PSD3: variants seen among roughly 807,000 people sequenced by gnomAD.
The protein encoded by PSD3 is PH and SEC7 domain-containing protein 3.
Under a neutral mutation model 105.5 loss-of-function variants are expected in PSD3, and 49 were observed. The observed-to-expected ratio is 0.46, with a 90% confidence interval of 0.37 to 0.59. The LOEUF is 0.59. Among genes scored for constraint, PSD3 ranks in the 20% least tolerant of loss-of-function variants. The pLI is 0.00. For missense variants in PSD3, 1,561 were observed against 1,263.8 expected, an observed-to-expected ratio of 1.24 and a Z score of -3.57; for synonymous variants, 557 against 457.8, an observed-to-expected ratio of 1.22 and a Z score of -2.77.
intron 4 of PSD3, among the ~76,000 whole-genome samples, chr8:18,823,985 G>C (rs1297454063): frequency 6.6e-6 from 1 of 152,040 alleles, no homozygotes; most frequent in Non-Finnish European, 1.5e-5. Flanking sequence ...TTCGAGACCA[G>C]CCTGGACAAC....
At chr8:18,633,504 TGTA>T (rs1807044094) in intron 10 of PSD3, among the ~76,000 whole-genome samples, 1 of 152,100 alleles carries the variant, frequency 6.6e-6, no homozygotes, top group Non-Finnish European at 1.5e-5. Context: ...AGTGAAAATG[TGTA>T]GTATTTGGTT....
At chr8:18,542,835 G>A (rs1002329734) in intron 15 of PSD3, among the ~76,000 whole-genome samples, 5 of 152,066 alleles carry the variant, frequency 3.3e-5, no homozygotes, top group Non-Finnish European at 5.9e-5. Flanking sequence ...AGAAAAATGC[G>A]TGCCTCAGGG....
intron 9 of PSD3, among the ~76,000 whole-genome samples, chr8:18,683,001 T>C (rs1800471218): frequency 6.6e-6 from 1 of 152,196 alleles, no homozygotes; most frequent in Non-Finnish European, 1.5e-5. Flanking sequence ...ATTATTCCAT[T>C]TTTAAACCTG....
intron 15 of PSD3, among the ~76,000 whole-genome samples, chr8:18,551,781 G>C (rs1800782647): frequency 6.6e-6 from 1 of 152,086 alleles, no homozygotes. Flanking sequence ...TGCTGGATTG[G>C]AACCTGAAAA....
chr8:19,073,004 C>T (rs1351822123), intron 1 of PSD3, among the ~76,000 whole-genome samples: 3 of 152,048 alleles, frequency 2.0e-5, no homozygotes, highest in South Asian at 2.1e-4. Context: ...TCCAGTAGTA[C>T]GAGGATTTGG....
chr8:18,968,896 A>C (rs1824457864), intron 1 of PSD3, among the ~76,000 whole-genome samples: 1 of 151,102 alleles, frequency 6.6e-6, no homozygotes, highest in African/African-American at 2.4e-5. Context: ...AAAAAAAAAA[A>C]AAAAAACTCC....
At chr8:19,000,411 G>A (rs1177393183) in intron 1 of PSD3, among the ~76,000 whole-genome samples, 6 of 134,496 alleles carry the variant, frequency 4.5e-5, no homozygotes, top group African/African-American at 8.0e-5. Flanking sequence ...AAAAAAAAGA[G>A]AGAGAAAAAA....
chr8:18,581,130 C>T (rs532178321), intron 12 of PSD3, among the ~76,000 whole-genome samples: 4 of 152,216 alleles, frequency 2.6e-5, no homozygotes, highest in East Asian at 3.9e-4. Flanking sequence ...CACTCTGTAA[C>T]GAAGTGGATA....
At chr8:18,758,170 T>C (rs1034697299) in intron 9 of PSD3, among the ~76,000 whole-genome samples, 5 of 152,138 alleles carry the variant, frequency 3.3e-5, no homozygotes, top group African/African-American at 1.2e-4. Context: ...TAAAACCTAG[T>C]CTTATTCTGA....
At position 18,819,575 on chromosome 8, in the gene PSD3, A is replaced by ATT. The variant is rs746931460; in HGVS notation, c.1635-14679_1635-14678dup. 1.2e-3 allele frequency among the ~76,000 whole-genome samples: 133 copies of ATT among 111,296 alleles called. 8 individuals carry two copies. The highest frequency in any genetic ancestry group is 3.4e-3 in the African/African-American group (97 of 28,264). 73.0% of individuals were successfully genotyped at this position (111,296 alleles called of 152,430 possible). The stretch of plus-strand genomic sequence containing the variant: ...TTCAAATTCTTTAAAATTAGAATGG[A>ATT]TTTTTTTTTTTTTTTTTTTTTGAGA... On this transcript the variant is annotated intron_variant, in intron 4 of 15. Transcript: ENST00000327040.
intron 1 of PSD3, among the ~76,000 whole-genome samples, chr8:18,998,049 C>A (rs932001293): frequency 2.6e-5 from 4 of 151,652 alleles, no homozygotes; most frequent in African/African-American, 9.7e-5. Context: ...ATCCCTGGAA[C>A]CTAAAATAAT....
Position 18,799,373 on chromosome 8 carries a change from A to G in PSD3, c.2024-20T>C. ...CTCCATCTAAAGAAAGATACAAGAA[A>G]AAAAAGCATGAATTCGCTTTTCACT... is the stretch of plus-strand genomic sequence containing the variant. On this transcript the variant is annotated intron_variant, in intron 7 of 15. Transcript: ENST00000327040. 6.4e-7 allele frequency: 1 copy of G among 1,562,132 alleles called. No homozygotes were observed. Among genetic ancestry groups the G allele is most frequent in the Non-Finnish European group, 8.7e-7 (1 of 1,147,272 alleles).
At chr8:18,989,160 G>A (rs1305946254) in intron 1 of PSD3, 1 of 152,238 alleles carries the variant, frequency 6.6e-6, no homozygotes, top group African/African-American at 2.4e-5. Context: ...TAGCGGGGCT[G>A]AGTCTCAATA....
chr8:18,772,015 A>G (rs543974761), intron 8 of PSD3, among the ~76,000 whole-genome samples: 3 of 152,340 alleles, frequency 2.0e-5, no homozygotes, highest in Admixed American at 6.5e-5. Flanking sequence ...TTCACTTAGC[A>G]TAATGTCCTC....
chr8:18,939,632 C>T (rs564209370), intron 1 of PSD3, among the ~76,000 whole-genome samples: 73 of 151,968 alleles, frequency 4.8e-4, no homozygotes, highest in South Asian at 1.9e-3. Flanking sequence ...CATATATTAT[C>T]ATACCACAAA....
chr8:18,827,834 G>A lies in PSD3; in HGVS notation c.1635-22936C>T, dbSNP rs139883704. The stretch of plus-strand genomic sequence containing the variant: ...GGGAGGACTCAAGGTAGACTTCAAG[G>A]TTTCTGACTTGAACACCTTGGTGAA... On this transcript the variant is annotated intron_variant, in intron 4 of 15. Transcript: ENST00000327040. Among the ~76,000 whole-genome samples the A allele has an allele frequency of 5.7e-4, 86 of 151,172 alleles. 1 individual carries two copies. In the East Asian group the frequency reaches 0.016, roughly 28 times the overall value.
upstream of PSD3, among the ~76,000 whole-genome samples, chr8:19,018,579 T>C (rs1458980461): frequency 6.6e-6 from 1 of 152,212 alleles, no homozygotes; most frequent in East Asian, 1.9e-4. Context: ...TTAAGAGATA[T>C]GTAGATGTGT....
intron 4 of PSD3, among the ~76,000 whole-genome samples, chr8:18,850,368 T>C (rs17127314): frequency 0.1 from 15,788 of 152,248 alleles, 880 homozygotes; most frequent in African/African-American, 0.14. Context: ...CCTATAACAA[T>C]GGATCTGAGA....
intron 1 of PSD3, among the ~76,000 whole-genome samples, chr8:19,042,078 G>A (rs973062497): frequency 9.2e-5 from 14 of 152,054 alleles, no homozygotes; most frequent in Non-Finnish European, 1.8e-4. Context: ...TATTTTGTGT[G>A]TATGTGTTTA....
Sources: allele counts gnomAD v4.1 joint callset (sites outside exome capture counted in the v4.1 genomes callset), GRCh38; gene constraint gnomAD v4.1.1; transcripts MANE v1.5; gene names NCBI Gene and HGNC (gene_info 2026-07-23, HGNC 2026-07-21).